AFG2A: variants seen among roughly 807,000 people sequenced by gnomAD.
AFG2A encodes ATPase family gene 2 protein homolog A.
At chr4:123,201,176 A>G in the AFG2A span, among the ~76,000 whole-genome samples, 1 of 152,238 alleles carries the variant, frequency 6.6e-6, no homozygotes, top group Admixed American at 6.5e-5. Context: ...TTGTAAGACA[A>G]TTAAACATTT....
the AFG2A span, among the ~76,000 whole-genome samples, chr4:122,975,159 G>A: frequency 1.3e-5 from 2 of 152,154 alleles, no homozygotes; most frequent in South Asian, 2.1e-4. Flanking sequence ...CTGGAGGCTG[G>A]AAAGTCCAAG....
At chr4:123,250,718 T>C in the AFG2A span, among the ~76,000 whole-genome samples, 1 of 152,188 alleles carries the variant, frequency 6.6e-6, no homozygotes, top group African/African-American at 2.4e-5. Context: ...TTGTGTTTTT[T>C]AATAAAGTTT....
the AFG2A span, among the ~76,000 whole-genome samples, chr4:123,029,570 G>T: frequency 2.6e-5 from 4 of 152,182 alleles, no homozygotes; most frequent in Non-Finnish European, 4.4e-5. Flanking sequence ...GAGTAAAGAT[G>T]GGGGAGGAGA....
At chr4:123,283,358 AAGAG>A in the AFG2A span, among the ~76,000 whole-genome samples, 28 of 149,052 alleles carry the variant, frequency 1.9e-4, no homozygotes, top group East Asian at 1.6e-3. Context: ...GGAAAAAAAA[AAGAG>A]AGAGAGAGAG....
the AFG2A span, among the ~76,000 whole-genome samples, chr4:123,115,925 A>C: frequency 6.6e-6 from 1 of 152,076 alleles, no homozygotes; most frequent in African/African-American, 2.4e-5. Flanking sequence ...TTTGAGACAG[A>C]GTCTTGTTCC....
At chr4:123,290,779 A>G in the AFG2A span, among the ~76,000 whole-genome samples, 3,312 of 152,144 alleles carry the variant, frequency 0.022, 63 homozygotes, top group Non-Finnish European at 0.035. Flanking sequence ...CCATAATTCA[A>G]TCACCTCCCA....
the AFG2A span, among the ~76,000 whole-genome samples, chr4:123,146,797 TC>T: frequency 0.67 from 102,483 of 151,920 alleles, 37,580 homozygotes; most frequent in East Asian, 0.97. Flanking sequence ...CTCATTTTTT[TC>T]CCTCATGATT....
chr4:122,956,496 G>A, the AFG2A span, among the ~76,000 whole-genome samples: 9 of 150,838 alleles, frequency 6.0e-5, no homozygotes, highest in Middle Eastern at 3.4e-3. Flanking sequence ...TAATTTTAGC[G>A]TATGATACTA....
chr4:123,188,138 A>G, the AFG2A span, among the ~76,000 whole-genome samples: 1 of 152,084 alleles, frequency 6.6e-6, no homozygotes, highest in South Asian at 2.1e-4. Flanking sequence ...TATGGAACAC[A>G]TCTTAGGTAG....
At chr4:122,999,599 G>T in the AFG2A span, among the ~76,000 whole-genome samples, 1 of 151,696 alleles carries the variant, frequency 6.6e-6, no homozygotes, top group African/African-American at 2.4e-5. Context: ...TCTCAGGTTT[G>T]TCAAAGATCA....
the AFG2A span, chr4:122,947,332 G>C: frequency 6.2e-7 from 1 of 1,613,942 alleles, no homozygotes; most frequent in Non-Finnish European, 8.5e-7. Flanking sequence ...TAAAGAGATT[G>C]AGATTGGAGT....
the AFG2A span, among the ~76,000 whole-genome samples, chr4:122,969,896 C>T: frequency 1.3e-5 from 2 of 152,116 alleles, no homozygotes; most frequent in Admixed American, 6.5e-5. Context: ...AGTATAGTCA[C>T]GGACTGCATA....
chr4:123,207,166 A>G, the AFG2A span, among the ~76,000 whole-genome samples: 1 of 152,142 alleles, frequency 6.6e-6, no homozygotes, highest in Non-Finnish European at 1.5e-5. Context: ...CTACTAGGTC[A>G]CTTCTGCATC....
chr4:123,114,127 T>C, the AFG2A span, among the ~76,000 whole-genome samples: 111,936 of 151,872 alleles, frequency 0.74, 41,811 homozygotes, highest in East Asian at 0.97. Context: ...CTCTCTGCAG[T>C]CGGTCCCTCC....
chr4:123,180,312 A>C, the AFG2A span, among the ~76,000 whole-genome samples: 1 of 152,266 alleles, frequency 6.6e-6, no homozygotes, highest in East Asian at 1.9e-4. Flanking sequence ...TTTTTTTTCA[A>C]ACCTCTTTAC....
the AFG2A span, among the ~76,000 whole-genome samples, chr4:123,124,430 T>C: frequency 6.6e-6 from 1 of 152,234 alleles, no homozygotes; most frequent in South Asian, 2.1e-4. Flanking sequence ...TAGGTGGGAA[T>C]TGAACAATGA....
the AFG2A span, among the ~76,000 whole-genome samples, chr4:123,168,334 T>C: frequency 4.6e-5 from 7 of 152,080 alleles, no homozygotes; most frequent in Admixed American, 4.6e-4. Context: ...TATTTGTGTT[T>C]TAATAAAGCA....
chr4:122,964,494 A>G, the AFG2A span, among the ~76,000 whole-genome samples: 1 of 105,394 alleles, frequency 9.5e-6, no homozygotes, highest in Non-Finnish European at 2.1e-5. Flanking sequence ...ACAGAGCAAG[A>G]CTGTCTCAAA....
At chr4:123,120,332 T>G in the AFG2A span, among the ~76,000 whole-genome samples, 6 of 152,116 alleles carry the variant, frequency 3.9e-5, no homozygotes, top group African/African-American at 1.4e-4. Flanking sequence ...AAATAACTTC[T>G]CAGAGAAACT....
Sources: gnomAD v4.1 joint callset for allele counts (sites outside exome capture counted in the v4.1 genomes callset) on GRCh38, gnomAD v4.1.1 for gene constraint, MANE v1.5 for transcripts, NCBI Gene and HGNC (gene_info 2026-07-23, HGNC 2026-07-21) for gene names.